The following GPC6 variants were observed in gnomAD, a reference collection of about 807,000 sequenced individuals.
The protein encoded by GPC6 is glypican 6, also known as glypican-6.
In GPC6, 14 loss-of-function variants were observed where a neutral mutation model predicts 55.2. The ratio of observed to expected loss-of-function variants is 0.25; its 90% confidence interval spans 0.17 to 0.40. The LOEUF (loss-of-function observed/expected upper bound fraction) is 0.40. Ranked by LOEUF, GPC6 falls within the 10% of genes least tolerant of loss-of-function variation. The pLI, the probability that GPC6 is intolerant of heterozygous loss-of-function variation, is 1.00. For synonymous variants in GPC6, 278 were observed against 259.6 expected (o/e 1.07, Z -0.68); for missense variants, 641 against 708.5 (o/e 0.90, Z 1.08).
intron 2 of GPC6, among the ~76,000 whole-genome samples, chr13:93,559,773 T>C (rs929057357): frequency 6.6e-6 from 1 of 152,202 alleles, no homozygotes; most frequent in South Asian, 2.1e-4. Context: ...TTTCAAGTTA[T>C]TAAGAATGGA....
chr13:93,696,087 T>C (rs755874982), intron 2 of GPC6, among the ~76,000 whole-genome samples: 16 of 152,198 alleles, frequency 1.1e-4, no homozygotes, highest in African/African-American at 3.9e-4. Flanking sequence ...CCCAAATACA[T>C]GGAAATATGT....
At chr13:94,296,021 T>A (rs9524420) in intron 5 of GPC6, among the ~76,000 whole-genome samples, 2,377 of 151,750 alleles carry the variant, frequency 0.016, 33 homozygotes, top group East Asian at 0.036. Flanking sequence ...ACACATAAAA[T>A]TGGGGTTTGT....
chr13:94,195,152 C>A (rs1275122457), intron 4 of GPC6, among the ~76,000 whole-genome samples: 1 of 152,150 alleles, frequency 6.6e-6, no homozygotes, highest in African/African-American at 2.4e-5. Context: ...GTCCCCATGT[C>A]CAGTTACAAG....
intron 4 of GPC6, among the ~76,000 whole-genome samples, chr13:94,097,932 G>T (rs555284488): frequency 2.0e-5 from 3 of 151,926 alleles, no homozygotes; most frequent in Admixed American, 6.6e-5. Context: ...TAGAATCATC[G>T]CTCTGTAAAT....
intron 4 of GPC6, chr13:94,186,944 C>T (rs1030424940): frequency 5.9e-5 from 9 of 152,206 alleles, no homozygotes; most frequent in African/African-American, 2.2e-4. Flanking sequence ...AATCAGAGCT[C>T]TCTCTCTCCT....
intron 2 of GPC6, among the ~76,000 whole-genome samples, chr13:93,658,358 T>A (rs1052547193): frequency 6.6e-6 from 1 of 152,012 alleles, no homozygotes; most frequent in Non-Finnish European, 1.5e-5. Context: ...ATTATTTTGT[T>A]GTTTTAGGAA....
intron 4 of GPC6, among the ~76,000 whole-genome samples, chr13:94,162,195 G>A (rs1014155556): frequency 2.6e-5 from 4 of 152,198 alleles, no homozygotes; most frequent in Admixed American, 6.5e-5. Context: ...GTAAGCTGCC[G>A]GTGAAGCTGG....
chr13:93,689,656 C>G (rs746280126), intron 2 of GPC6, among the ~76,000 whole-genome samples: 1 of 152,096 alleles, frequency 6.6e-6, no homozygotes, highest in Admixed American at 6.6e-5. Context: ...CTCTGTCTAT[C>G]CAGGTCAGAC....
intron 3 of GPC6, among the ~76,000 whole-genome samples, chr13:93,987,994 T>A (rs928289639): frequency 1.3e-5 from 2 of 152,114 alleles, no homozygotes; most frequent in Non-Finnish European, 2.9e-5. Flanking sequence ...GGGGTCTTTC[T>A]GAATTTCACA....
intron 3 of GPC6, among the ~76,000 whole-genome samples, chr13:93,931,765 GA>G (rs545578327): frequency 0.13 from 6,314 of 49,634 alleles, 156 homozygotes; most frequent in East Asian, 0.3. Flanking sequence ...CTCTGTCTCA[GA>G]AAAAAAAAAA....
At chr13:94,066,844 A>G (rs1267154028) in intron 4 of GPC6, among the ~76,000 whole-genome samples, 4 of 152,236 alleles carry the variant, frequency 2.6e-5, no homozygotes, top group African/African-American at 7.2e-5. Context: ...GTATCTGAAT[A>G]TAAGTATTAA....
chr13:94,192,416 T>C (rs191076067), intron 4 of GPC6, among the ~76,000 whole-genome samples: 1 of 152,290 alleles, frequency 6.6e-6, no homozygotes, highest in East Asian at 1.9e-4. Context: ...TTTTTATATG[T>C]CATCAGAAAG....
intron 5 of GPC6, among the ~76,000 whole-genome samples, chr13:94,298,580 C>T (rs556334846): frequency 2.2e-4 from 33 of 152,332 alleles, no homozygotes; most frequent in Non-Finnish European, 3.2e-4. Flanking sequence ...AGCTCTCCCA[C>T]GGGCCAATCA....
intron 2 of GPC6, among the ~76,000 whole-genome samples, chr13:93,627,468 C>A (rs1879251142): frequency 6.6e-6 from 1 of 152,070 alleles, no homozygotes; most frequent in Non-Finnish European, 1.5e-5. Context: ...ACCTCCAATA[C>A]CAGAGATTAC....
At chr13:94,134,537 G>A (rs963901644) in intron 4 of GPC6, among the ~76,000 whole-genome samples, 5 of 152,112 alleles carry the variant, frequency 3.3e-5, no homozygotes, top group Non-Finnish European at 7.4e-5. Flanking sequence ...TCATAAACGT[G>A]CCCATTAGTT....
chr13:94,223,825 C>T (rs1034659949), intron 4 of GPC6, among the ~76,000 whole-genome samples: 6 of 152,126 alleles, frequency 3.9e-5, no homozygotes, highest in Non-Finnish European at 7.4e-5. Flanking sequence ...GCAAATTCAC[C>T]TACTCACTAA....
intron 6 of GPC6, among the ~76,000 whole-genome samples, chr13:94,323,667 C>A (rs1876962604): frequency 6.6e-6 from 1 of 152,118 alleles, no homozygotes; most frequent in Non-Finnish European, 1.5e-5. Context: ...CATAATTACA[C>A]TGAAAACCCA....
intron 6 of GPC6, among the ~76,000 whole-genome samples, chr13:94,375,286 A>C (rs569910263): frequency 1.3e-5 from 2 of 152,336 alleles, no homozygotes; most frequent in South Asian, 2.1e-4. Context: ...GGATCAACAA[A>C]ATTGATAGAC....
At chr13:94,065,847 C>T (rs1457249356) in intron 4 of GPC6, among the ~76,000 whole-genome samples, 1 of 152,170 alleles carries the variant, frequency 6.6e-6, no homozygotes, top group Non-Finnish European at 1.5e-5. Flanking sequence ...CATTAGAAGA[C>T]AGGCACTGTT....
Sources: allele counts gnomAD v4.1 joint callset (sites outside exome capture counted in the v4.1 genomes callset), GRCh38; gene constraint gnomAD v4.1.1; transcripts MANE v1.5; gene names NCBI Gene and HGNC (gene_info 2026-07-23, HGNC 2026-07-21).